The following LMO3 variants were observed in gnomAD, a reference collection of about 807,000 sequenced individuals.
LMO3 encodes the protein LIM domain only protein 3.
A neutral mutation model predicts 15.8 loss-of-function variants in LMO3; 2 were observed. The ratio of observed to expected loss-of-function variants is 0.13; its 90% CI spans 0.05 to 0.40. LMO3 has a LOEUF of 0.40. Ranked by LOEUF, LMO3 falls within the 10% of genes least tolerant of loss-of-function variation. The pLI, the probability that LMO3 is intolerant of heterozygous loss-of-function variation, is 0.99. For synonymous variants in LMO3, 62 were observed against 63.8 expected (o/e 0.97, Z 0.13); for missense variants, 86 against 182.2 (o/e 0.47, Z 3.04).
intron 1 of LMO3, chr12:16,602,123 TA>T (rs915211961): frequency 6.6e-6 from 1 of 152,216 alleles, no homozygotes; most frequent in Non-Finnish European, 1.5e-5. Flanking sequence ...TCTGCTGCAT[TA>T]TGTTTGCTCT....
intron 2 of LMO3, chr12:16,594,472 C>G: frequency 2.4e-6 from 1 of 417,184 alleles, no homozygotes; most frequent in Admixed American, 3.7e-5. Context: ...AGATCTTGTC[C>G]AGCATTTACA....
chr12:16,564,703 T>C (rs1942529015), intron 2 of LMO3, among the ~76,000 whole-genome samples: 1 of 152,196 alleles, frequency 6.6e-6, no homozygotes, highest in Non-Finnish European at 1.5e-5. Context: ...AATGCACAAA[T>C]ATGTCACTGC....
chr12:16,588,453 T>C (rs1943391066), intron 2 of LMO3, among the ~76,000 whole-genome samples: 1 of 152,050 alleles, frequency 6.6e-6, no homozygotes, highest in African/African-American at 2.4e-5. Flanking sequence ...TTCTACTCTA[T>C]GGAATATTAA....
In LMO3 at chr12:16,605,764, G is replaced by C. The variant is rs1191953724; in HGVS notation, c.-9+302C>G. 2.0e-6 allele frequency: 3 copies of C among 1,535,144 alleles called. No homozygotes were observed. The East Asian group carries it at 7.3e-5, about 38-fold the overall frequency. On this transcript the variant is annotated intron_variant, in intron 1 of 3. Coordinates refer to ENST00000537304, the MANE Select transcript of LMO3 (RefSeq NM_018640.5). ...ACTTTGACTATTATCCACTCGAGTC[G>C]TACTTGAGACGTTCCGCGCCGCAGC...
intron 1 of LMO3, 90 bp from the exon 2 acceptor site, chr12:16,600,958 T>G (rs1321362891): frequency 2.1e-6 from 2 of 964,384 alleles, no homozygotes; most frequent in African/African-American, 3.3e-5. Context: ...TATTTCCTTA[T>G]TCTAGGAGTG....
intron 2 of LMO3, among the ~76,000 whole-genome samples, chr12:16,580,396 C>A (rs1229240106): frequency 2.0e-5 from 3 of 152,258 alleles, no homozygotes; most frequent in East Asian, 1.9e-4. Flanking sequence ...TTTAGAGGAC[C>A]ACTTCTATGG....
At position 16,604,603 on chromosome 12, in the gene LMO3, G is replaced by A; in HGVS notation, c.-9+1463C>T. 1.9e-6 allele frequency: 1 copy of A among 514,666 alleles called. No individual in the cohort carries two copies. The highest frequency in any genetic ancestry group is 3.4e-6 in the Non-Finnish European group (1 of 290,714). 31.9% of individuals were successfully genotyped at this position (514,666 alleles called of 1,614,324 possible). A position where few individuals can be genotyped will look rare whatever the true frequency, so the allele number is the denominator to read the frequency against. Reference sequence around the variant, plus strand: ...AGAAACATACATACACTCTAACAAAGAATCCCTTGCGGAGTTTATGCTCCA... The same window carrying A: ...AGAAACATACATACACTCTAACAAAAAATCCCTTGCGGAGTTTATGCTCCA... On this transcript the variant is annotated intron_variant, in intron 1 of 3. Transcript: ENST00000537304. This position sits in a 1 kb window ranked among gnomAD's most constrained non-coding sequence, Gnocchi z 5.3.
chr12:16,609,544 A>G (rs1944087567), upstream of LMO3, among the ~76,000 whole-genome samples: 1 of 151,972 alleles, frequency 6.6e-6, no homozygotes, highest in Admixed American at 6.6e-5. Flanking sequence ...GCAACTCATC[A>G]TCAGACGTTT....
chr12:16,594,057 A>G (rs1591823331), intron 2 of LMO3: 21 of 1,304,324 alleles, frequency 1.6e-5, no homozygotes, highest in Non-Finnish European at 2.2e-5. Context: ...ATCCTGTAAG[A>G]ATAGATGAGT....
At chr12:16,566,337 C>T (rs949418625) in intron 2 of LMO3, among the ~76,000 whole-genome samples, 1 of 151,642 alleles carries the variant, frequency 6.6e-6, no homozygotes, top group Non-Finnish European at 1.5e-5. Flanking sequence ...TGTTATTGCA[C>T]AGTAGGGTGA....
rs1269005575 is a variant in LMO3, at chr12:16,589,830, G to A, written c.206+10825C>T. On this transcript the variant is annotated intron_variant, in intron 2 of 3. Coordinates refer to ENST00000537304, the MANE Select transcript of LMO3 (RefSeq NM_018640.5). This position sits in a 1 kb window ranked among gnomAD's most constrained non-coding sequence, Gnocchi z 4.2. ...CAGGAAGAACAGAGGGGGACTGTTA[G>A]AAATTGTAACAGAAAAAAGCCCCCA... Among the ~76,000 whole-genome samples, 2 of 152,062 alleles carry A rather than the reference G, an allele frequency of 1.3e-5. No individual in the cohort carries two copies. Among genetic ancestry groups the A allele is most frequent in the Non-Finnish European group, 1.5e-5 (1 of 67,988 alleles).
At chr12:16,572,642 AT>A (rs1942855128) in intron 2 of LMO3, among the ~76,000 whole-genome samples, 1 of 148,510 alleles carries the variant, frequency 6.7e-6, no homozygotes, top group Non-Finnish European at 1.5e-5. Context: ...CTTGTAAAAT[AT>A]ATTTAAGTCA....
intron 1 of LMO3, chr12:16,605,140 T>C: frequency 7.1e-7 from 1 of 1,401,904 alleles, no homozygotes; most frequent in East Asian, 2.6e-5. Flanking sequence ...TGCAAAATGA[T>C]GGCGAATGAC....
upstream of LMO3, chr12:16,609,778 T>C (rs1207505984): frequency 6.6e-6 from 1 of 152,128 alleles, no homozygotes; most frequent in Non-Finnish European, 1.5e-5. Context: ...TGTGTATATA[T>C]GTATATTTCT....
At chr12:16,573,602 C>A (rs1942895780) in intron 2 of LMO3, 1 of 152,148 alleles carries the variant, frequency 6.6e-6, no homozygotes, top group South Asian at 2.1e-4. Flanking sequence ...TGCCAAGAAT[C>A]AATCCCATGA....
Position 16,596,091 on chromosome 12 carries a change from T to G in LMO3, c.206+4564A>C, listed in dbSNP as rs2137667279. Among the ~76,000 whole-genome samples the G allele has an allele frequency of 6.6e-6, 1 of 151,664 alleles. No homozygotes were observed. Among genetic ancestry groups the G allele is most frequent in the South Asian group, 2.1e-4 (1 of 4,816 alleles). ...TATAAAGCTGACCTTACATAAAAAT[T>G]TAGAAGCACCAGGTTTGATCAGCGT... On this transcript the variant is annotated intron_variant, in intron 2 of 3. Coordinates refer to ENST00000537304, the MANE Select transcript of LMO3 (RefSeq NM_018640.5). The surrounding 1 kb of genome is among the most constrained non-coding windows in gnomAD (Gnocchi z 4.3).
chr12:16,589,609 A>C lies in LMO3; in HGVS notation c.206+11046T>G, dbSNP rs913216154. 4 of 152,138 alleles carry C rather than the reference A, an allele frequency of 2.6e-5. No individual in the cohort carries two copies. Among genetic ancestry groups the C allele is most frequent in the African/African-American group, 9.7e-5 (4 of 41,444 alleles). 9.4% of individuals were successfully genotyped at this position (152,138 alleles called of 1,614,324 possible). A position where few individuals can be genotyped will look rare whatever the true frequency, so the allele number is the denominator to read the frequency against. On this transcript the variant is annotated intron_variant, in intron 2 of 3. Transcript: ENST00000537304. The surrounding 1 kb of genome is among the most constrained non-coding windows in gnomAD (Gnocchi z 4.2). The stretch of plus-strand genomic sequence containing the variant: ...AAATAAGCACATCATCTCTATTATA[A>C]AGACAGTGGTTTGTTTAATAACTAT...
chr12:16,598,286 CT>C lies in LMO3; in HGVS notation c.206+2368del. ...TTACACACACCAATTCTCCACTTCACTTCTGCAATTTTAAGTGTTGATGAAG... is the reference window on the plus strand; with the variant it reads ...TTACACACACCAATTCTCCACTTCACTCTGCAATTTTAAGTGTTGATGAAG... On this transcript the variant is annotated intron_variant, in intron 2 of 3. Coordinates refer to ENST00000537304, the MANE Select transcript of LMO3 (RefSeq NM_018640.5). The surrounding 1 kb of genome is among the most constrained non-coding windows in gnomAD (Gnocchi z 4.3). 1 of 152,192 alleles carries C rather than the reference CT, an allele frequency of 6.6e-6. No homozygotes were observed. Among genetic ancestry groups the C allele is most frequent in the Middle Eastern group, 3.4e-3 (1 of 294 alleles). 9.4% of individuals were successfully genotyped at this position (152,192 alleles called of 1,614,324 possible).
chr12:16,557,366 GA>G (rs1268267630), intron 3 of LMO3, among the ~76,000 whole-genome samples: 16 of 104,540 alleles, frequency 1.5e-4, no homozygotes, highest in African/African-American at 4.7e-4. Flanking sequence ...AGGTGGCAAG[GA>G]TTTTTTTTTT....
Sources: allele counts gnomAD v4.1 joint callset (sites outside exome capture counted in the v4.1 genomes callset), GRCh38; gene constraint gnomAD v4.1.1; non-coding constraint Gnocchi (gnomAD v3.1); transcripts MANE v1.5; gene names NCBI Gene and HGNC (gene_info 2026-07-23, HGNC 2026-07-21).